Variants in PRIM2 observed in about 807,000 individuals in gnomAD.
The protein encoded by PRIM2 is DNA primase subunit 2, also known as DNA primase large subunit.
In PRIM2, 39 loss-of-function variants were observed where a neutral mutation model predicts 67.3. That is an observed-to-expected ratio of 0.58 (90% CI 0.45 to 0.76). The LOEUF (loss-of-function observed/expected upper bound fraction) is 0.76. Among genes scored for constraint, PRIM2 ranks in the 30% least tolerant of loss-of-function variants. PRIM2 has a pLI of 0.00. For missense variants in PRIM2, 398 were observed against 598.7 expected, an observed-to-expected ratio of 0.66 and a Z score of 3.50; for synonymous variants, 143 against 198.7, an observed-to-expected ratio of 0.72 and a Z score of 2.36.
At chr6:57,344,316 T>TA (rs1768598121) in intron 5 of PRIM2, among the ~76,000 whole-genome samples, 4 of 152,070 alleles carry the variant, frequency 2.6e-5, no homozygotes, top group Non-Finnish European at 5.9e-5. Context: ...TTAAGATGAG[T>TA]ATAGCAAAAT....
chr6:57,338,347 A>G (rs1229058857), intron 5 of PRIM2, among the ~76,000 whole-genome samples: 1 of 152,174 alleles, frequency 6.6e-6, no homozygotes, highest in Non-Finnish European at 1.5e-5. Flanking sequence ...AATCCTCCCT[A>G]ACTCATTTTA....
the PRIM2 span, among the ~76,000 whole-genome samples, chr6:57,271,431 AT>A: frequency 6.6e-6 from 1 of 152,158 alleles, no homozygotes; most frequent in African/African-American, 2.4e-5. Context: ...TGTTTATAGT[AT>A]TCTCTGATGG....
At chr6:57,373,744 A>G (rs1384963020) in intron 5 of PRIM2, among the ~76,000 whole-genome samples, 1 of 152,086 alleles carries the variant, frequency 6.6e-6, no homozygotes, top group Non-Finnish European at 1.5e-5. Context: ...TTTGTTGATG[A>G]TCAAGTGTTG....
intron 5 of PRIM2, among the ~76,000 whole-genome samples, chr6:57,377,281 AAATCATAT>A (rs1769800148): frequency 2.6e-5 from 4 of 152,198 alleles, no homozygotes; most frequent in Admixed American, 2.0e-4. Flanking sequence ...TAAGTATACT[AAATCATAT>A]AATCTGCAAA....
chr6:57,370,065 G>C (rs1473169256), intron 5 of PRIM2, among the ~76,000 whole-genome samples: 1 of 152,122 alleles, frequency 6.6e-6, no homozygotes, highest in Non-Finnish European at 1.5e-5. Flanking sequence ...GTGTAAAGAG[G>C]TTAACTAACC....
chr6:57,247,744 G>T, the PRIM2 span, among the ~76,000 whole-genome samples: 1 of 152,090 alleles, frequency 6.6e-6, no homozygotes, highest in Non-Finnish European at 1.5e-5. Context: ...GTTTCCTTTT[G>T]ATATGGCCTA....
chr6:57,487,125 C>A (rs1248641499), intron 7 of PRIM2, among the ~76,000 whole-genome samples: 1 of 152,232 alleles, frequency 6.6e-6, no homozygotes, highest in South Asian at 2.1e-4. Context: ...AAAGTTACAA[C>A]AAAAATGACT....
chr6:57,232,739 C>G, the PRIM2 span, among the ~76,000 whole-genome samples: 2 of 152,100 alleles, frequency 1.3e-5, no homozygotes, highest in African/African-American at 4.8e-5. Context: ...ATAGCAGACT[C>G]CTCCTTCTTG....
intron 10 of PRIM2, among the ~76,000 whole-genome samples, chr6:57,549,542 G>A (rs1451292029): frequency 6.6e-6 from 1 of 151,736 alleles, no homozygotes; most frequent in East Asian, 1.9e-4. Context: ...CTAAAATATT[G>A]CAAAGAATTA....
In PRIM2 at chr6:57,379,986, C is replaced by T; in HGVS notation, c.545C>T (p.Ser182Phe). The T allele has an allele frequency of 6.4e-7, 1 of 1,554,896 alleles. No homozygotes were observed. The highest frequency in any genetic ancestry group is 2.4e-5 in the East Asian group (1 of 41,562). The change falls in exon 6 of 14, where the codon TCC becomes TTC. Residue 182 changes from serine (S) to phenylalanine (F), a missense_variant. Physicochemically the swap from Ser to Phe is radical, Grantham distance 155. Around this residue, in one of 4 missense-constraint regions of PRIM2, gnomAD observed 229 missense variants for 383.6 expected, o/e 0.60. Coordinates refer to ENST00000615550, the MANE Select transcript of PRIM2 (RefSeq NM_000947.5). ...AGTGGACTTAAGTTGGGGTTCGAGTCCATTTATAAGGTATGTAAACATGTA... is the reference window on the plus strand; with the variant it reads ...AGTGGACTTAAGTTGGGGTTCGAGTTCATTTATAAGGTATGTAAACATGTA... ...SLSGLKLGFESIYKIPFADAL... is the reference protein window; with the variant it reads ...SLSGLKLGFEFIYKIPFADAL...
At chr6:57,395,973 C>T (rs1770503199) in intron 7 of PRIM2, among the ~76,000 whole-genome samples, 1 of 152,086 alleles carries the variant, frequency 6.6e-6, no homozygotes, top group African/African-American at 2.4e-5. Flanking sequence ...TTGAAGGTTC[C>T]TTTTGGAGTT....
At chr6:57,330,364 T>TG (rs1404084796) in intron 5 of PRIM2, among the ~76,000 whole-genome samples, 4 of 97,006 alleles carry the variant, frequency 4.1e-5, no homozygotes, top group Admixed American at 2.3e-4. Context: ...TTTTTTTGTT[T>TG]TTGTTTTTTT....
chr6:57,262,322 C>CT, the PRIM2 span, among the ~76,000 whole-genome samples: 17 of 151,690 alleles, frequency 1.1e-4, no homozygotes, highest in South Asian at 1.0e-3. Context: ...TGCCAGTTGT[C>CT]TTTTTTTTTA....
the PRIM2 span, among the ~76,000 whole-genome samples, chr6:57,227,212 T>G: frequency 6.6e-6 from 1 of 152,228 alleles, no homozygotes; most frequent in Non-Finnish European, 1.5e-5. Context: ...ACTTCGCTCA[T>G]GGTAAATAAG....
chr6:57,276,714 T>G, the PRIM2 span, among the ~76,000 whole-genome samples: 9 of 151,594 alleles, frequency 5.9e-5, no homozygotes, highest in Non-Finnish European at 1.3e-4. Flanking sequence ...AGCAACATGG[T>G]GAAACCCATC....
chr6:57,367,001 C>G (rs1769383150), intron 5 of PRIM2, among the ~76,000 whole-genome samples: 3 of 151,258 alleles, frequency 2.0e-5, no homozygotes, highest in Admixed American at 1.3e-4. Context: ...ATAATCTTTC[C>G]TTTTTAGTGT....
chr6:57,508,173 G>A (rs1441129310), intron 8 of PRIM2, among the ~76,000 whole-genome samples: 1 of 152,138 alleles, frequency 6.6e-6, no homozygotes, highest in Non-Finnish European at 1.5e-5. Flanking sequence ...CTGACCTCAG[G>A]TGATCCACCT....
chr6:57,590,435 A>G (rs1288749272), intron 10 of PRIM2, among the ~76,000 whole-genome samples: 1 of 152,238 alleles, frequency 6.6e-6, no homozygotes, highest in Non-Finnish European at 1.5e-5. Context: ...TATAGAGAGC[A>G]TGCGCAAGTG....
chr6:57,275,151 A>T, the PRIM2 span, among the ~76,000 whole-genome samples: 2 of 151,946 alleles, frequency 1.3e-5, no homozygotes, highest in East Asian at 3.9e-4. Context: ...TGTCAAAAAC[A>T]GTGCAAAAAA....
Sources: allele counts gnomAD v4.1 joint callset (sites outside exome capture counted in the v4.1 genomes callset), GRCh38; gene constraint gnomAD v4.1.1; regional missense constraint gnomAD v4.1.1; transcripts MANE v1.5; gene names NCBI Gene and HGNC (gene_info 2026-07-23, HGNC 2026-07-21).